The following RPTOR variants were observed in gnomAD, a reference collection of about 807,000 sequenced individuals.
RPTOR encodes regulatory-associated protein of mTOR.
A neutral mutation model predicts 169.9 loss-of-function variants in RPTOR; 21 were observed. The ratio of observed to expected loss-of-function variants is 0.12; its 90% CI spans 0.09 to 0.18. The LOEUF (loss-of-function observed/expected upper bound fraction) is 0.18, where lower values mean the gene tolerates loss of function less well. Ranked by LOEUF, RPTOR falls within the 10% of genes least tolerant of loss-of-function variation. The pLI is 1.00. For synonymous variants in RPTOR, 732 were observed against 753.2 expected (o/e 0.97, Z 0.46); for missense variants, 1,133 against 1,855.9 (o/e 0.61, Z 7.16).
chr17:80,856,559 C>T (rs1213406743), intron 12 of RPTOR, among the ~76,000 whole-genome samples: 1 of 152,166 alleles, frequency 6.6e-6, no homozygotes, highest in Non-Finnish European at 1.5e-5. Context: ...TCATTCAGCA[C>T]TCACCACTGG....
chr17:80,730,765 G>GGGGGGGT lies in RPTOR; in HGVS notation c.654+62_654+63insGGGTGGG. 1 of 1,416,082 alleles carries GGGGGGGT rather than the reference G, an allele frequency of 7.1e-7. No individual in the cohort carries two copies. The highest frequency in any genetic ancestry group is 9.8e-7 in the Non-Finnish European group (1 of 1,017,482). The allele number at this position is 1,416,082 out of a possible 1,614,324, so 87.7% of individuals were successfully genotyped here. On this transcript the variant is annotated intron_variant, in intron 5 of 33. Coordinates refer to ENST00000306801, the MANE Select transcript of RPTOR (RefSeq NM_020761.3). The surrounding 1 kb of genome is among the most constrained non-coding windows in gnomAD (Gnocchi z 4.2). Reference sequence around the variant, plus strand: ...GTTTGGTTTTGTTTTCCCTGGGGGTGGGGTTTGGGTGGGGAGGTTGGGAGG... The same window carrying GGGGGGGT: ...GTTTGGTTTTGTTTTCCCTGGGGGTGGGGGGGTGGGTTTGGGTGGGGAGGTTGGGAGG...
At position 80,959,956 on chromosome 17, in the gene RPTOR, G is replaced by A. The variant is rs534523506; in HGVS notation, c.3478-122G>A. ...TCCCTGGATAGAGAGAAAGGCCCCT[G>A]CAGCCAGGGAGGGTGATCCCCACAG... On this transcript the variant is annotated intron_variant, in intron 29 of 33. Coordinates refer to ENST00000306801, the MANE Select transcript of RPTOR (RefSeq NM_020761.3). The surrounding 1 kb of genome is among the most constrained non-coding windows in gnomAD (Gnocchi z 6.7). 2 of 1,240,624 alleles carry A rather than the reference G, an allele frequency of 1.6e-6. No homozygotes were observed. The highest frequency in any genetic ancestry group is 2.3e-6 in the Non-Finnish European group (2 of 879,228). 76.9% of individuals were successfully genotyped at this position (1,240,624 alleles called of 1,614,324 possible).
rs181593916 is a variant in RPTOR at position 80,787,056 on chromosome 17, C to T, written c.831-4394C>T. ...CCCACCACGCAGGGCGCCCTTGATG[C>T]ACACGCACCTGCCGCCCCCGCCCTG... On this transcript the variant is annotated intron_variant, in intron 6 of 33. Coordinates refer to ENST00000306801, the MANE Select transcript of RPTOR (RefSeq NM_020761.3). Among the ~76,000 whole-genome samples, 1,225 of 152,364 alleles carry T rather than the reference C, an allele frequency of 8.0e-3. 21 individuals are homozygous for T. The highest frequency in any genetic ancestry group is 0.028 in the African/African-American group (1,181 of 41,586).
Position 80,707,469 on chromosome 17 carries a change from G to T in RPTOR, c.349-372G>T, listed in dbSNP as rs1160091884. 2.0e-5 allele frequency among the ~76,000 whole-genome samples: 3 copies of T among 152,058 alleles called. No individual in the cohort carries two copies. The East Asian group carries it at 5.8e-4, about 29-fold the overall frequency. On this transcript the variant is annotated intron_variant, in intron 3 of 33. Coordinates refer to ENST00000306801, the MANE Select transcript of RPTOR (RefSeq NM_020761.3). This position sits in a 1 kb window ranked among gnomAD's most constrained non-coding sequence, Gnocchi z 5.0. ...GGCTGGAGTACAGTGTTGTGATCAT[G>T]GTTCACTGCAACCTCAACCTCCTGG...
At chr17:80,863,999 ATAT>A (rs1268851247) in intron 13 of RPTOR, among the ~76,000 whole-genome samples, 1 of 152,110 alleles carries the variant, frequency 6.6e-6, no homozygotes, top group Non-Finnish European at 1.5e-5. Context: ...AATTAAAAGA[ATAT>A]TATTCCATTG....
chr17:80,952,520 C>T (rs2069192352), intron 28 of RPTOR, among the ~76,000 whole-genome samples: 2 of 152,264 alleles, frequency 1.3e-5, no homozygotes, highest in Non-Finnish European at 2.9e-5. Flanking sequence ...CTCTCCCGGA[C>T]CCGCTTGCCC....
intron 25 of RPTOR, chr17:80,942,099 G>A (rs2069038413): frequency 6.6e-6 from 1 of 152,194 alleles, no homozygotes; most frequent in African/African-American, 2.4e-5. Flanking sequence ...CTTGCAGCCA[G>A]GGTGGCTTTC....
At chr17:80,873,108 A>G (rs978595081) in intron 13 of RPTOR, among the ~76,000 whole-genome samples, 2 of 130,726 alleles carry the variant, frequency 1.5e-5, no homozygotes, top group Non-Finnish European at 3.2e-5. Flanking sequence ...TGAGAAAGGC[A>G]CCACAGTTTT....
At chr17:80,713,762 C>T (rs2143125427) in intron 4 of RPTOR, among the ~76,000 whole-genome samples, 1 of 152,198 alleles carries the variant, frequency 6.6e-6, no homozygotes, top group South Asian at 2.1e-4. Flanking sequence ...GAGCCAGGCA[C>T]ACACCATCCT....
rs940745053 is a variant in RPTOR, at chr17:80,878,498, C to A, written c.1510-1917C>A. On this transcript the variant is annotated intron_variant, in intron 13 of 33. Transcript: ENST00000306801. The surrounding 1 kb of genome is among the most constrained non-coding windows in gnomAD (Gnocchi z 4.1). ...AGTAGCTGGGACTACAGGCACGCAC[C>A]ACCACACCCTGCTAATTTTTGTATT... is the stretch of plus-strand genomic sequence containing the variant. Among the ~76,000 whole-genome samples the A allele has an allele frequency of 6.6e-6, 1 of 152,132 alleles. No individual in the cohort carries two copies. The highest frequency in any genetic ancestry group is 1.5e-5 in the Non-Finnish European group (1 of 68,026).
intron 28 of RPTOR, among the ~76,000 whole-genome samples, chr17:80,956,801 T>C (rs1278062807): frequency 6.6e-6 from 1 of 152,198 alleles, no homozygotes; most frequent in East Asian, 1.9e-4. Context: ...TAGATGTTCC[T>C]GGAAGGCACT....
At chr17:80,954,536 A>T (rs1598423408) in intron 28 of RPTOR, among the ~76,000 whole-genome samples, 1 of 152,244 alleles carries the variant, frequency 6.6e-6, no homozygotes, top group Admixed American at 6.5e-5. Context: ...AAGTGCTGGG[A>T]TCACAGGTGT....
At position 80,545,548 on chromosome 17, in the gene RPTOR, C is replaced by A; in HGVS notation, c.-82C>A. The A allele has an allele frequency of 9.3e-7, 1 of 1,076,176 alleles. No homozygotes were observed. The highest frequency in any genetic ancestry group is 1.4e-6 in the Non-Finnish European group (1 of 739,032). 66.7% of individuals were successfully genotyped at this position (1,076,176 alleles called of 1,614,324 possible). On this transcript the variant is annotated 5_prime_UTR_variant, in exon 1 of 34. Transcript: ENST00000306801. Reference sequence around the variant, plus strand: ...TTCCCGTTTTTGTTTCTTATTTCACCAATTCTGGTACACGCTAGTTTTTAA... The same window carrying A: ...TTCCCGTTTTTGTTTCTTATTTCACAAATTCTGGTACACGCTAGTTTTTAA...
intron 21 of RPTOR, among the ~76,000 whole-genome samples, chr17:80,918,466 C>CGCGGGGGTCATAGCCACGAGCACCCTT (rs2068703065): frequency 8.0e-6 from 1 of 124,828 alleles, no homozygotes; most frequent in Non-Finnish European, 1.7e-5. Flanking sequence ...CGAGCACCCT[C>CGCGGGGGTCATAGCCACGAGCACCCTT]GCCGGAGTCA....
intron 33 of RPTOR, 48 bp from the exon 34 acceptor site, chr17:80,964,214 T>C (rs1188126034): frequency 2.5e-5 from 21 of 851,006 alleles, no homozygotes; most frequent in Non-Finnish European, 4.0e-5. Flanking sequence ...CCCCCCGCAG[T>C]GTCTGCCCGC....
intron 6 of RPTOR, among the ~76,000 whole-genome samples, chr17:80,787,696 A>G (rs2067007415): frequency 6.6e-6 from 1 of 151,810 alleles, no homozygotes; most frequent in Non-Finnish European, 1.5e-5. Context: ...CCATTCTTGT[A>G]CATTTTTGCT....
At chr17:80,792,429 C>T (rs1237815704) in intron 7 of RPTOR, among the ~76,000 whole-genome samples, 1 of 152,100 alleles carries the variant, frequency 6.6e-6, no homozygotes, top group Non-Finnish European at 1.5e-5. Flanking sequence ...TTCATGAGGG[C>T]ACGGTGAGCT....
At chr17:80,580,081 T>C in intron 1 of RPTOR, among the ~76,000 whole-genome samples, 1 of 152,230 alleles carries the variant, frequency 6.6e-6, no homozygotes, top group Non-Finnish European at 1.5e-5. Flanking sequence ...GCATGTTTCC[T>C]GATCTCATCT....
At chr17:80,727,519 G>A (rs577826444) in intron 4 of RPTOR, among the ~76,000 whole-genome samples, 4 of 150,766 alleles carry the variant, frequency 2.7e-5, no homozygotes, top group South Asian at 2.1e-4. Flanking sequence ...GAACGTGGAC[G>A]CTGCACCTCT....
Sources: allele counts gnomAD v4.1 joint callset (sites outside exome capture counted in the v4.1 genomes callset), GRCh38; gene constraint gnomAD v4.1.1; non-coding constraint Gnocchi (gnomAD v3.1); transcripts MANE v1.5; gene names NCBI Gene and HGNC (gene_info 2026-07-23, HGNC 2026-07-21).